The following CMKLR1 variants were observed in gnomAD, a reference collection of about 807,000 sequenced individuals.
The protein encoded by CMKLR1 is chemerin chemokine-like receptor 1.
A neutral mutation model predicts 8.2 loss-of-function variants in CMKLR1; 6 were observed. The observed-to-expected ratio is 0.73, with a 90% CI of 0.40 to 1.44. CMKLR1 has a LOEUF of 1.44. Among genes scored for constraint, CMKLR1 ranks in the 40% most tolerant of loss-of-function variants. The probability of loss-of-function intolerance (pLI) is 0.02; values close to 1 mark genes in which losing one functional copy is unlikely to be tolerated. For missense variants in CMKLR1, 429 were observed against 478.0 expected (o/e 0.90, Z 0.96); for synonymous variants, 178 against 181.2 (o/e 0.98, Z 0.14).
chr12:108,303,277 G>T (rs1891325460), intron 2 of CMKLR1, among the ~76,000 whole-genome samples: 2 of 152,358 alleles, frequency 1.3e-5, no homozygotes, highest in East Asian at 3.9e-4. Flanking sequence ...ATGGTCACCA[G>T]GCAGACAGTT....
chr12:108,305,398 A>G (rs1258147814), intron 2 of CMKLR1, among the ~76,000 whole-genome samples: 1 of 152,182 alleles, frequency 6.6e-6, no homozygotes, highest in Non-Finnish European at 1.5e-5. Flanking sequence ...AGCAGCTGAA[A>G]TGTAATGAGG....
At chr12:108,316,838 G>T (rs1489665525) in intron 2 of CMKLR1, among the ~76,000 whole-genome samples, 1 of 152,226 alleles carries the variant, frequency 6.6e-6, no homozygotes, top group Non-Finnish European at 1.5e-5. Context: ...ACAGGCACCG[G>T]TTGGAACCGC....
chr12:108,312,032 A>G (rs1891594117), intron 2 of CMKLR1, among the ~76,000 whole-genome samples: 1 of 152,204 alleles, frequency 6.6e-6, no homozygotes. Flanking sequence ...ATCCAGGCAG[A>G]GCAAACAGCA....
At chr12:108,336,502 C>T (rs531498343) in intron 1 of CMKLR1, among the ~76,000 whole-genome samples, 248 of 151,442 alleles carry the variant, frequency 1.6e-3, no homozygotes, top group African/African-American at 5.3e-3. Flanking sequence ...GCCAAGATTG[C>T]GCCACTGTAC....
chr12:108,310,169 G>C (rs1891514578), intron 2 of CMKLR1, among the ~76,000 whole-genome samples: 1 of 148,680 alleles, frequency 6.7e-6, no homozygotes, highest in Non-Finnish European at 1.5e-5. Flanking sequence ...GGGGCTGTGT[G>C]TGTGTGTGTG....
chr12:108,292,873 GT>G lies in CMKLR1; in HGVS notation c.89del (p.Asp30AlafsTer9). On this transcript the variant is annotated frameshift_variant, in exon 4 of 4. Coordinates refer to ENST00000550402, the MANE Select transcript of CMKLR1 (RefSeq NM_001142343.2). LOFTEE classifies it low-confidence loss of function (END_TRUNC). ...DYLDSIVVLEDLSPLEARVTR... is the reference protein window; with the variant it reads ...DYLDSIVVLEXLSPLEARVTR... ...TCACCCTGGCTTCCAAGGGGGATAA[GT>G]CCTCCAAAACCACAATGGAGTCTAA... 27 of 1,614,112 alleles carry G rather than the reference GT, an allele frequency of 1.7e-5. No homozygotes were observed. Among genetic ancestry groups the G allele is most frequent in the Non-Finnish European group, 2.3e-5 (27 of 1,180,010 alleles).
chr12:108,337,022 G>T (rs1892242317), intron 1 of CMKLR1, among the ~76,000 whole-genome samples: 4 of 152,190 alleles, frequency 2.6e-5, no homozygotes, highest in Admixed American at 2.6e-4. Context: ...TTGGCAGGTG[G>T]CAGGCCAATT....
chr12:108,300,667 TG>T (rs1188915259), intron 2 of CMKLR1, among the ~76,000 whole-genome samples: 4 of 152,200 alleles, frequency 2.6e-5, no homozygotes, highest in African/African-American at 9.7e-5. Flanking sequence ...TGTGCGACCC[TG>T]GGCACATTAC....
chr12:108,322,109 G>T lies in CMKLR1; in HGVS notation c.-74+7886C>A, dbSNP rs528431447. Reference sequence around the variant, plus strand: ...AGGTATATGTTACATGAGGGGCTTGGGAGGTGGGCTGGCACTTTTGGCTCT... The same window carrying T: ...AGGTATATGTTACATGAGGGGCTTGTGAGGTGGGCTGGCACTTTTGGCTCT... On this transcript the variant is annotated intron_variant, in intron 2 of 3. Transcript: ENST00000550402. Among the ~76,000 whole-genome samples the T allele has an allele frequency of 7.2e-5, 11 of 152,338 alleles. No homozygotes were observed. The South Asian group carries it at 1.7e-3, about 23-fold the overall frequency.
intron 2 of CMKLR1, among the ~76,000 whole-genome samples, chr12:108,321,197 A>G (rs1231622656): frequency 6.6e-6 from 1 of 152,218 alleles, no homozygotes; most frequent in East Asian, 1.9e-4. Context: ...CACAGCTTGG[A>G]CTGGAGGAGG....
At chr12:108,331,113 G>A (rs1892095107) in intron 1 of CMKLR1, among the ~76,000 whole-genome samples, 1 of 152,158 alleles carries the variant, frequency 6.6e-6, no homozygotes, top group Admixed American at 6.5e-5. Flanking sequence ...ACCAGTACCT[G>A]GGATGGAGAG....
At chr12:108,296,036 C>A (rs566123963) in intron 2 of CMKLR1, among the ~76,000 whole-genome samples, 15 of 152,314 alleles carry the variant, frequency 9.8e-5, no homozygotes, top group Admixed American at 8.5e-4. Context: ...CGCCCCCACC[C>A]CAAGACGCCT....
chr12:108,314,058 T>C (rs1891655730), intron 2 of CMKLR1, among the ~76,000 whole-genome samples: 1 of 152,226 alleles, frequency 6.6e-6, no homozygotes, highest in African/African-American at 2.4e-5. Context: ...TGCCACAATA[T>C]GGTTTTGCTT....
chr12:108,299,470 T>C (rs769088865), intron 2 of CMKLR1, among the ~76,000 whole-genome samples: 6 of 152,080 alleles, frequency 3.9e-5, no homozygotes, highest in Non-Finnish European at 8.8e-5. Context: ...CTCCTTCCTG[T>C]AGTAAGTGGA....
Position 108,290,027 on chromosome 12 carries a change from C to G in CMKLR1, c.*1814G>C, listed in dbSNP as rs541090339. The G allele has an allele frequency of 1.4e-4, 21 of 152,390 alleles. No individual in the cohort carries two copies. In the East Asian group the frequency reaches 3.5e-3, roughly 25 times the overall value. 9.4% of individuals were successfully genotyped at this position (152,390 alleles called of 1,614,324 possible). ...GGACTGCCTCCTGCCAGCTTTCCCT[C>G]CCCATTGCCTTGATCTCTGGAGACA... On this transcript the variant is annotated 3_prime_UTR_variant, in exon 4 of 4. Transcript: ENST00000550402.
At chr12:108,318,080 T>C (rs10735428) in intron 2 of CMKLR1, among the ~76,000 whole-genome samples, 118,469 of 152,210 alleles carry the variant, frequency 0.78, 46,580 homozygotes, top group East Asian at 1. Flanking sequence ...AGCTGCATAG[T>C]ATTCCATTGG....
intron 2 of CMKLR1, among the ~76,000 whole-genome samples, chr12:108,325,963 G>A (rs1235935838): frequency 6.6e-6 from 1 of 152,184 alleles, no homozygotes; most frequent in Non-Finnish European, 1.5e-5. Flanking sequence ...CCTACCCCCA[G>A]GCTCTGTCAG....
intron 2 of CMKLR1, among the ~76,000 whole-genome samples, chr12:108,314,758 T>G (rs1593170937): frequency 6.6e-6 from 1 of 152,100 alleles, no homozygotes; most frequent in Non-Finnish European, 1.5e-5. Context: ...TTTTAAAATT[T>G]TATTATTTTA....
chr12:108,318,451 C>G (rs1459438463), intron 2 of CMKLR1, among the ~76,000 whole-genome samples: 1 of 152,210 alleles, frequency 6.6e-6, no homozygotes, highest in Admixed American at 6.5e-5. Context: ...TCTAGCTGTA[C>G]TGGCTGTTCC....
Sources: allele counts gnomAD v4.1 joint callset (sites outside exome capture counted in the v4.1 genomes callset), GRCh38; gene constraint gnomAD v4.1.1; transcripts MANE v1.5; gene names NCBI Gene and HGNC (gene_info 2026-07-23, HGNC 2026-07-21).